Variants in PDE1C observed in about 807,000 individuals in gnomAD.
PDE1C encodes the protein phosphodiesterase 1C.
In PDE1C, 62 loss-of-function variants were observed where a neutral mutation model predicts 93.1. The ratio of observed to expected loss-of-function variants is 0.67; its 90% CI spans 0.54 to 0.82. PDE1C has a LOEUF of 0.82. Ranked by LOEUF, PDE1C falls within the 40% of genes least tolerant of loss-of-function variation. PDE1C has a pLI of 0.00. For synonymous variants in PDE1C, 325 were observed against 310.1 expected (o/e 1.05, Z -0.50); for missense variants, 742 against 884.6 (o/e 0.84, Z 2.04).
chr7:32,156,527 T>C (rs1465168751), intron 3 of PDE1C, among the ~76,000 whole-genome samples: 1 of 152,198 alleles, frequency 6.6e-6, no homozygotes, highest in Non-Finnish European at 1.5e-5. Context: ...CCTCTAGGGT[T>C]GATGGACCAC....
intron 2 of PDE1C, among the ~76,000 whole-genome samples, chr7:31,885,390 C>A (rs536285242): frequency 2.6e-5 from 4 of 152,194 alleles, no homozygotes; most frequent in Admixed American, 6.5e-5. Context: ...TGGCAAGATG[C>A]CTTTCAGTTA....
intron 1 of PDE1C, among the ~76,000 whole-genome samples, chr7:32,264,589 G>A (rs1810438676): frequency 6.6e-6 from 1 of 152,202 alleles, no homozygotes; most frequent in African/African-American, 2.4e-5. Context: ...TGGGATGGGA[G>A]ACATCATGCA....
At chr7:31,975,521 T>C (rs952228731) in intron 2 of PDE1C, among the ~76,000 whole-genome samples, 2 of 152,170 alleles carry the variant, frequency 1.3e-5, no homozygotes, top group East Asian at 1.9e-4. Context: ...TTCTAGCAGC[T>C]TTATAACCAG....
chr7:31,934,078 G>T (rs768687980), intron 2 of PDE1C, among the ~76,000 whole-genome samples: 4 of 152,166 alleles, frequency 2.6e-5, no homozygotes, highest in African/African-American at 4.8e-5. Flanking sequence ...GGTATGAAAA[G>T]AAACAGGGAA....
At chr7:32,239,485 A>C (rs1363546376) in intron 1 of PDE1C, among the ~76,000 whole-genome samples, 1 of 152,258 alleles carries the variant, frequency 6.6e-6, no homozygotes, top group Non-Finnish European at 1.5e-5. Flanking sequence ...TACAAAATAC[A>C]AAAAGAACCC....
chr7:32,401,459 C>T (rs1784941281), intron 1 of PDE1C, among the ~76,000 whole-genome samples: 1 of 151,810 alleles, frequency 6.6e-6, no homozygotes, highest in African/African-American at 2.4e-5. Flanking sequence ...ATCACTTTAA[C>T]CCAGGAGGCA....
chr7:31,937,170 G>C (rs1364534279), intron 2 of PDE1C, among the ~76,000 whole-genome samples: 1 of 152,208 alleles, frequency 6.6e-6, no homozygotes, highest in East Asian at 1.9e-4. Flanking sequence ...GATGGTGACT[G>C]TCTCTTATCA....
chr7:32,330,904 C>T (rs1324368864), intron 1 of PDE1C, among the ~76,000 whole-genome samples: 2 of 152,196 alleles, frequency 1.3e-5, no homozygotes, highest in African/African-American at 4.8e-5. Flanking sequence ...ACAAGGCCAT[C>T]GGTCCCCTGG....
intron 1 of PDE1C, among the ~76,000 whole-genome samples, chr7:32,296,028 T>C (rs888373903): frequency 6.6e-6 from 1 of 152,190 alleles, no homozygotes; most frequent in Non-Finnish European, 1.5e-5. Context: ...AAATACTTTA[T>C]ATATAGCATG....
Position 31,853,878 on chromosome 7 carries a change from A to ATT in PDE1C, c.751-3139_751-3138dup, listed in dbSNP as rs60293827. Among the ~76,000 whole-genome samples, 227 of 124,512 alleles carry ATT rather than the reference A, an allele frequency of 1.8e-3. 1 individual carries two copies. The highest frequency in any genetic ancestry group is 3.3e-3 in the African/African-American group (109 of 33,330). 81.7% of individuals were successfully genotyped at this position (124,512 alleles called of 152,430 possible). On this transcript the variant is annotated intron_variant, in intron 7 of 17. Transcript: ENST00000396191. ...TAGGCACCCACTGCCATGCCCAGCT[A>ATT]TTTTTTTTTTTTTTTTTTTGTATTT...
At chr7:31,746,608 A>G (rs1252933856), downstream of PDE1C, among the ~76,000 whole-genome samples, 5 of 152,222 alleles carry the variant, frequency 3.3e-5, no homozygotes, top group African/African-American at 7.2e-5. Flanking sequence ...CTGACTTTCT[A>G]TAAAAATCAA....
intron 1 of PDE1C, among the ~76,000 whole-genome samples, chr7:32,378,231 C>T (rs918527864): frequency 7.2e-5 from 11 of 152,154 alleles, no homozygotes; most frequent in African/African-American, 2.7e-4. Context: ...TTCCTGCCCT[C>T]TCCAATCCAC....
intron 17 of PDE1C, among the ~76,000 whole-genome samples, chr7:31,762,646 C>G (rs948975430): frequency 6.6e-6 from 1 of 152,108 alleles, no homozygotes; most frequent in African/African-American, 2.4e-5. Context: ...GTCCCCATTA[C>G]CTACATTTTT....
At chr7:32,234,750 G>T (rs1807949798) in intron 1 of PDE1C, among the ~76,000 whole-genome samples, 1 of 151,906 alleles carries the variant, frequency 6.6e-6, no homozygotes, top group Admixed American at 6.6e-5. Context: ...AGAGAAGGGA[G>T]ACTCTCCAAC....
chr7:32,077,165 G>C (rs947198894), intron 3 of PDE1C, among the ~76,000 whole-genome samples: 8 of 152,146 alleles, frequency 5.3e-5, no homozygotes. Context: ...ACTTGAACCT[G>C]GAAGGCAGAA....
the PDE1C span, chr7:31,653,456 G>C: frequency 6.5e-6 from 1 of 152,886 alleles, no homozygotes; most frequent in Non-Finnish European, 1.5e-5. Context: ...TTGTCTCGGG[G>C]GAGCAGAGGG....
At chr7:31,991,490 TCTTTGC>T (rs1246328144) in intron 2 of PDE1C, among the ~76,000 whole-genome samples, 22 of 152,228 alleles carry the variant, frequency 1.4e-4, no homozygotes, top group Non-Finnish European at 2.1e-4. Context: ...AATTATGTTC[TCTTTGC>T]CTTCACATAG....
intron 2 of PDE1C, among the ~76,000 whole-genome samples, chr7:32,181,752 G>C (rs1403237258): frequency 1.3e-5 from 2 of 152,018 alleles, no homozygotes; most frequent in Non-Finnish European, 2.9e-5. Flanking sequence ...AGAAAAGCAA[G>C]AGCAAACATA....
the PDE1C span, among the ~76,000 whole-genome samples, chr7:31,635,677 T>C: frequency 6.6e-6 from 1 of 152,056 alleles, no homozygotes. Flanking sequence ...CATGCTGCTA[T>C]GAAGAAATAC....
Sources: gnomAD v4.1 joint callset for allele counts (sites outside exome capture counted in the v4.1 genomes callset) on GRCh38, gnomAD v4.1.1 for gene constraint, MANE v1.5 for transcripts, NCBI Gene and HGNC (gene_info 2026-07-23, HGNC 2026-07-21) for gene names.